The following NIPAL3 variants were observed in gnomAD, a reference collection of about 807,000 sequenced individuals.
NIPAL3 encodes the protein NIPA like domain containing 3, also known as NIPA-like protein 3.
In NIPAL3, 41 loss-of-function variants were observed where a neutral mutation model predicts 47.2. The observed-to-expected ratio is 0.87, with a 90% CI of 0.68 to 1.13. The LOEUF (loss-of-function observed/expected upper bound fraction) is 1.13, where lower values mean the gene tolerates loss of function less well. Among genes scored for constraint, NIPAL3 ranks in the 50% most tolerant of loss-of-function variants. NIPAL3 has a pLI of 0.00. For synonymous variants in NIPAL3, 194 were observed against 209.6 expected (o/e 0.93, Z 0.64); for missense variants, 449 against 530.1 (o/e 0.85, Z 1.50).
At chr1:24,414,352 C>G (rs1643912780), upstream of NIPAL3, 1 of 147,818 alleles carries the variant, frequency 6.8e-6, no homozygotes, top group Non-Finnish European at 1.5e-5. Context: ...GGCCCCAAGC[C>G]CTGTTTCTAA....
chr1:24,456,185 T>C lies in NIPAL3; in HGVS notation c.685T>C (p.Leu229=). The C allele has an allele frequency of 6.2e-7, 1 of 1,614,218 alleles. No individual in the cohort carries two copies. The highest frequency in any genetic ancestry group is 8.5e-7 in the Non-Finnish European group (1 of 1,180,032). Residue 229 remains leucine (L), a synonymous_variant, in exon 8 of 12, where the codon TTG becomes CTG. Coordinates refer to ENST00000374399, the MANE Select transcript of NIPAL3 (RefSeq NM_020448.5). The part of the protein sequence containing the change: ...TVKAVAGMLV[L]SIQGNLQLDY... ...CAAGGCCGTGGCTGGGATGCTTGTC[T>C]TGTCCATTCAAGGGAACCTGCAGCT...
At position 24,426,270 on chromosome 1, in the gene NIPAL3, C is replaced by A. The variant is rs78451891; in HGVS notation, c.93+6630C>A. 3.4e-3 allele frequency among the ~76,000 whole-genome samples: 522 copies of A among 151,840 alleles called. 2 individuals carry two copies. Among genetic ancestry groups the A allele is most frequent in the Non-Finnish European group, 5.2e-3 (350 of 67,936 alleles). On this transcript the variant is annotated intron_variant, in intron 2 of 11. Coordinates refer to ENST00000374399, the MANE Select transcript of NIPAL3 (RefSeq NM_020448.5). ...TTATGCCTGTGTATGTTAATAGAGCCCCCTTTCATTCTCAAGAGTCTTCCT... is the reference window on the plus strand; with the variant it reads ...TTATGCCTGTGTATGTTAATAGAGCACCCTTTCATTCTCAAGAGTCTTCCT...
chr1:24,457,560 C>T (rs1646273065), intron 8 of NIPAL3, among the ~76,000 whole-genome samples: 1 of 152,328 alleles, frequency 6.6e-6, no homozygotes, highest in Middle Eastern at 3.4e-3. Flanking sequence ...GGAACCAGCT[C>T]ATTTGGTCCT....
chr1:24,462,657 C>T (rs1051761427), intron 10 of NIPAL3, among the ~76,000 whole-genome samples: 3 of 152,062 alleles, frequency 2.0e-5, no homozygotes, highest in African/African-American at 7.2e-5. Flanking sequence ...ATCCCAGCTA[C>T]TCGGGAGGCT....
At chr1:24,417,399 G>A (rs1557477483) in intron 1 of NIPAL3, among the ~76,000 whole-genome samples, 3 of 152,142 alleles carry the variant, frequency 2.0e-5, no homozygotes, top group Admixed American at 6.5e-5. Context: ...CCACTCTTAA[G>A]GCTCTTATGA....
At chr1:24,441,641 C>G (rs941728747) in intron 3 of NIPAL3, among the ~76,000 whole-genome samples, 2 of 152,122 alleles carry the variant, frequency 1.3e-5, no homozygotes, top group South Asian at 4.1e-4. Context: ...GTGGGGAATC[C>G]TGGAAACTGC....
intron 2 of NIPAL3, among the ~76,000 whole-genome samples, chr1:24,431,628 A>G (rs540087242): frequency 7.2e-5 from 11 of 152,306 alleles, no homozygotes; most frequent in African/African-American, 2.4e-4. Flanking sequence ...CTCCAAGGCC[A>G]GGTCCAATGT....
At position 24,471,696 on chromosome 1, in the gene NIPAL3, A is replaced by T. The variant is rs1417864738; in HGVS notation, c.*2511A>T. The stretch of plus-strand genomic sequence containing the variant: ...ACGTGGGAGCCACTGATGGTTCATG[A>T]GGAAGAGAAGGGCAGGACCAGCACT... On this transcript the variant is annotated 3_prime_UTR_variant, in exon 12 of 12. Transcript: ENST00000374399. 6.6e-6 allele frequency: 1 copy of T among 152,202 alleles called. No homozygotes were observed. Among genetic ancestry groups the T allele is most frequent in the Non-Finnish European group, 1.5e-5 (1 of 68,148 alleles). The allele number at this position is 152,202 out of a possible 1,614,324, so 9.4% of individuals were successfully genotyped here.
chr1:24,423,493 G>A (rs541242251), intron 2 of NIPAL3, among the ~76,000 whole-genome samples: 3 of 152,284 alleles, frequency 2.0e-5, no homozygotes, highest in East Asian at 1.9e-4. Context: ...AGCCGGGTGC[G>A]GTGGCGGGTG....
Position 24,469,461 on chromosome 1 carries a change from C to A in NIPAL3, c.*276C>A. ...CAGGGGGATTTGGAAAGCCTTTCTA[C>A]CATCCTTGAGGATGGTAACTGAGCT... On this transcript the variant is annotated 3_prime_UTR_variant, in exon 12 of 12. Transcript: ENST00000374399. 2.7e-6 allele frequency: 1 copy of A among 370,036 alleles called. No homozygotes were observed. Among genetic ancestry groups the A allele is most frequent in the Non-Finnish European group, 4.9e-6 (1 of 202,910 alleles). The allele number at this position is 370,036 out of a possible 1,614,324, so 22.9% of individuals were successfully genotyped here.
At position 24,472,311 on chromosome 1, in the gene NIPAL3, G is replaced by A. The variant is rs550801266; in HGVS notation, c.*3126G>A. ...CACAGTGGGTGTGGAGCCATCATCT[G>A]TCTTGGGCTGGTTCCTCCCAATCTT... On this transcript the variant is annotated 3_prime_UTR_variant, in exon 12 of 12. Transcript: ENST00000374399. 7 of 152,352 alleles carry A rather than the reference G, an allele frequency of 4.6e-5. No homozygotes were observed. Among genetic ancestry groups the A allele is most frequent in the South Asian group, 2.1e-4 (1 of 4,826 alleles). 9.4% of individuals were successfully genotyped at this position (152,352 alleles called of 1,614,324 possible). A position where few individuals can be genotyped will look rare whatever the true frequency, so the allele number is the denominator to read the frequency against.
At chr1:24,437,196 G>A (rs1440296849) in intron 2 of NIPAL3, among the ~76,000 whole-genome samples, 1 of 152,126 alleles carries the variant, frequency 6.6e-6, no homozygotes, top group Non-Finnish European at 1.5e-5. Flanking sequence ...AGTTTGCAGT[G>A]AGCCGAGATT....
chr1:24,416,714 C>T lies in NIPAL3; in HGVS notation c.-258+810C>T, dbSNP rs916872634. On this transcript the variant is annotated intron_variant, in intron 1 of 11. Transcript: ENST00000374399. This position sits in a 1 kb window ranked among gnomAD's most constrained non-coding sequence, Gnocchi z 4.8. ...TTCGAAATCAGGAAAAGAGAGTCAC[C>T]AGGTGAAAAGTATGTGTCTTATAAG... is the stretch of plus-strand genomic sequence containing the variant. 8 of 152,032 alleles carry T rather than the reference C, an allele frequency of 5.3e-5. No homozygotes were observed. Among genetic ancestry groups the T allele is most frequent in the African/African-American group, 1.7e-4 (7 of 41,358 alleles). 9.4% of individuals were successfully genotyped at this position (152,032 alleles called of 1,614,324 possible).
In NIPAL3 at chr1:24,451,203, G is replaced by A. The variant is rs1459772947; in HGVS notation, c.540+1577G>A. Among the ~76,000 whole-genome samples the A allele has an allele frequency of 6.6e-6, 1 of 152,238 alleles. No individual in the cohort carries two copies. Among genetic ancestry groups the A allele is most frequent in the African/African-American group, 2.4e-5 (1 of 41,468 alleles). ...TTGTCTTACTTCATCATGACTGGGA[G>A]GCAGTGCTGCCAGCTGGAGAGATTT... On this transcript the variant is annotated intron_variant, in intron 6 of 11. Transcript: ENST00000374399. The surrounding 1 kb of genome is among the most constrained non-coding windows in gnomAD (Gnocchi z 4.5).
chr1:24,440,115 C>T, intron 2 of NIPAL3, 57 bp from the exon 3 acceptor site: 2 of 1,371,468 alleles, frequency 1.5e-6, no homozygotes, highest in South Asian at 1.5e-5. Flanking sequence ...CAGAAGTGTC[C>T]TGGGGCCCCC....
Position 24,419,454 on chromosome 1 carries a change from A to T in NIPAL3, c.-94A>T, listed in dbSNP as rs1644211396. 3.6e-6 allele frequency: 5 copies of T among 1,397,122 alleles called. No individual in the cohort carries two copies. Among genetic ancestry groups the T allele is most frequent in the Non-Finnish European group, 4.7e-6 (5 of 1,071,144 alleles). 86.5% of individuals were successfully genotyped at this position (1,397,122 alleles called of 1,614,324 possible). ...AGTGACGGCTGCTGGAGGGAGGTGAACACCACAAGGAGAGATGGCATCTGG... is the reference window on the plus strand; with the variant it reads ...AGTGACGGCTGCTGGAGGGAGGTGATCACCACAAGGAGAGATGGCATCTGG... On this transcript the variant is annotated 5_prime_UTR_variant, in exon 2 of 12. Transcript: ENST00000374399.
intron 3 of NIPAL3, 134 bp downstream of exon 3, chr1:24,440,374 C>A: frequency 1.8e-6 from 1 of 549,108 alleles, no homozygotes; most frequent in Non-Finnish European, 2.9e-6. Context: ...GGGACAATAC[C>A]TTGTGGGCCG....
intron 5 of NIPAL3, among the ~76,000 whole-genome samples, chr1:24,446,779 A>G (rs1351804983): frequency 1.3e-5 from 2 of 152,194 alleles, no homozygotes; most frequent in African/African-American, 2.4e-5. Context: ...TCCTTTGGGT[A>G]TATACCCAGT....
chr1:24,454,694 C>G lies in NIPAL3; in HGVS notation c.637+1190C>G, dbSNP rs1646114865. ...ACATTTTGTCACCCCCAAAAGAAAC[C>G]CTGTGCCCATTAGCAGTCACTCCCT... is the stretch of plus-strand genomic sequence containing the variant. On this transcript the variant is annotated intron_variant, in intron 7 of 11. Transcript: ENST00000374399. This position sits in a 1 kb window ranked among gnomAD's most constrained non-coding sequence, Gnocchi z 4.1. The G allele has an allele frequency of 2.5e-6, 1 of 404,230 alleles. No homozygotes were observed. The highest frequency in any genetic ancestry group is 2.2e-5 in the African/African-American group (1 of 46,080). 25.0% of individuals were successfully genotyped at this position (404,230 alleles called of 1,614,324 possible).
Sources: gnomAD v4.1 joint callset for allele counts (sites outside exome capture counted in the v4.1 genomes callset) on GRCh38, gnomAD v4.1.1 for gene constraint, Gnocchi (gnomAD v3.1) non-coding constraint, MANE v1.5 for transcripts, NCBI Gene and HGNC (gene_info 2026-07-23, HGNC 2026-07-21) for gene names.